Variants in RGS17 observed in about 807,000 individuals in gnomAD.
The protein encoded by RGS17 is regulator of G protein signaling 17, also known as regulator of G-protein signaling 17.
Under a neutral mutation model 25.5 loss-of-function variants are expected in RGS17, and 12 were observed. The ratio of observed to expected loss-of-function variants is 0.47; its 90% CI spans 0.30 to 0.76. RGS17 has a LOEUF of 0.76. Among genes scored for constraint, RGS17 ranks in the 30% least tolerant of loss-of-function variants. RGS17 has a pLI of 0.07. For synonymous variants in RGS17, 71 were observed against 76.9 expected (o/e 0.92, Z 0.40); for missense variants, 196 against 242.2 (o/e 0.81, Z 1.27).
Position 153,130,604 on chromosome 6 carries a change from AAG to A in RGS17, c.-26+518_-26+519del, listed in dbSNP as rs1777773610. On this transcript the variant is annotated intron_variant, in intron 1 of 4. Coordinates refer to ENST00000206262, the MANE Select transcript of RGS17 (RefSeq NM_012419.5). The surrounding 1 kb of genome is among the most constrained non-coding windows in gnomAD (Gnocchi z 6.4). The stretch of plus-strand genomic sequence containing the variant: ...TGAGCAGTGCATTTTCCCAAAGGTA[AAG>A]AGAGATAAGGGAGGAAACACAGCAC... Among the ~76,000 whole-genome samples the A allele has an allele frequency of 6.6e-6, 1 of 152,158 alleles. No individual in the cohort carries two copies. The highest frequency in any genetic ancestry group is 2.1e-4 in the South Asian group (1 of 4,828).
chr6:153,111,153 A>T (rs1236515630), intron 1 of RGS17, among the ~76,000 whole-genome samples: 1 of 152,066 alleles, frequency 6.6e-6, no homozygotes, highest in Non-Finnish European at 1.5e-5. Flanking sequence ...AGCTCAGCGG[A>T]TCCCACCCCC....
At chr6:153,077,959 T>C (rs546921339) in intron 1 of RGS17, among the ~76,000 whole-genome samples, 7 of 152,130 alleles carry the variant, frequency 4.6e-5, no homozygotes, top group Non-Finnish European at 1.0e-4. Flanking sequence ...ACGCAACCTC[T>C]GCCTCCCAGG....
rs1485719584 is a variant in RGS17, at chr6:153,007,421, A to G, written c.*4153T>C. The G allele has an allele frequency of 6.6e-6, 1 of 152,156 alleles. No individual in the cohort carries two copies. Among genetic ancestry groups the G allele is most frequent in the African/African-American group, 2.4e-5 (1 of 41,450 alleles). The allele number at this position is 152,156 out of a possible 1,614,324, so 9.4% of individuals were successfully genotyped here. ...GTTTGAAAAATATACTTAGAAAATT[A>G]TGGTTGTAAACTGTCAATGTAAACA... On this transcript the variant is annotated 3_prime_UTR_variant, in exon 5 of 5. Coordinates refer to ENST00000206262, the MANE Select transcript of RGS17 (RefSeq NM_012419.5).
chr6:153,081,877 T>A (rs1338719209), intron 1 of RGS17, among the ~76,000 whole-genome samples: 1 of 152,196 alleles, frequency 6.6e-6, no homozygotes, highest in African/African-American at 2.4e-5. Flanking sequence ...TACATGGTAT[T>A]ACTTACTTTG....
intron 1 of RGS17, among the ~76,000 whole-genome samples, chr6:153,060,539 C>G (rs1203156301): frequency 1.3e-5 from 2 of 152,056 alleles, no homozygotes; most frequent in East Asian, 3.9e-4. Flanking sequence ...TCTTTGAGGG[C>G]AGAGGCTGGG....
chr6:153,073,335 G>C (rs1776833587), intron 1 of RGS17, among the ~76,000 whole-genome samples: 1 of 152,188 alleles, frequency 6.6e-6, no homozygotes, highest in African/African-American at 2.4e-5. Context: ...CTCCACTTTA[G>C]AGAGTCTTAT....
intron 1 of RGS17, among the ~76,000 whole-genome samples, chr6:153,083,112 C>G (rs1777006476): frequency 6.6e-6 from 1 of 152,138 alleles, no homozygotes; most frequent in Non-Finnish European, 1.5e-5. Context: ...CGGAAAGACT[C>G]AAAAAGACCG....
chr6:153,088,871 T>C (rs7766454), intron 1 of RGS17, among the ~76,000 whole-genome samples: 1 of 152,192 alleles, frequency 6.6e-6, no homozygotes, highest in African/African-American at 2.4e-5. Context: ...TATTTTTAGC[T>C]AGATTCAGTA....
In RGS17 at chr6:153,127,971, AATGAT is replaced by A. The variant is rs1466017293; in HGVS notation, c.-26+3148_-26+3152del. On this transcript the variant is annotated intron_variant, in intron 1 of 4. Transcript: ENST00000206262. ...TGCCAGGTGCTGGCACAATAGCAGG[AATGAT>A]CGTCTAAATGAATTTCTTTGGAAGT... Among the ~76,000 whole-genome samples, 6 of 152,306 alleles carry A rather than the reference AATGAT, an allele frequency of 3.9e-5. No homozygotes were observed. In the East Asian group the frequency reaches 7.7e-4, roughly 20 times the overall value.
chr6:153,053,942 TA>T lies in RGS17; in HGVS notation c.-25-9900del, dbSNP rs1280823343. The stretch of plus-strand genomic sequence containing the variant: ...ATATATATGTATATATATGTATATA[TA>T]ATATATATACATATATATTATATAC... On this transcript the variant is annotated intron_variant, in intron 1 of 4. Transcript: ENST00000206262. Among the ~76,000 whole-genome samples, 2 of 47,628 alleles carry T rather than the reference TA, an allele frequency of 4.2e-5. 1 individual carries two copies. Among genetic ancestry groups the T allele is most frequent in the Non-Finnish European group, 6.7e-5 (2 of 29,800 alleles). 31.2% of individuals were successfully genotyped at this position (47,628 alleles called of 152,430 possible).
At chr6:153,071,003 G>T (rs528566417) in intron 1 of RGS17, among the ~76,000 whole-genome samples, 42 of 150,144 alleles carry the variant, frequency 2.8e-4, no homozygotes, top group African/African-American at 1.0e-3. Flanking sequence ...ATATGTACAT[G>T]TGTATATGCA....
At chr6:153,075,387 G>A (rs1396003159) in intron 1 of RGS17, among the ~76,000 whole-genome samples, 2 of 152,160 alleles carry the variant, frequency 1.3e-5, no homozygotes, top group Non-Finnish European at 2.9e-5. Context: ...CTATTCAACT[G>A]TTCCAAGAGA....
intron 1 of RGS17, among the ~76,000 whole-genome samples, chr6:153,063,823 G>A (rs1776670484): frequency 6.6e-6 from 1 of 152,142 alleles, no homozygotes; most frequent in Admixed American, 6.5e-5. Flanking sequence ...GGTCAAGGAT[G>A]AAGAAAGGAT....
chr6:153,091,401 A>G (rs1424365779), intron 1 of RGS17, among the ~76,000 whole-genome samples: 1 of 152,226 alleles, frequency 6.6e-6, no homozygotes, highest in Non-Finnish European at 1.5e-5. Flanking sequence ...TGTCTTCATT[A>G]ATGGCTGTTG....
At chr6:153,117,406 C>T (rs1777561244) in intron 1 of RGS17, among the ~76,000 whole-genome samples, 1 of 152,132 alleles carries the variant, frequency 6.6e-6, no homozygotes, top group Non-Finnish European at 1.5e-5. Context: ...AATTACAAAT[C>T]AAGATGAAAT....
At chr6:153,116,034 C>T (rs1312307921) in intron 1 of RGS17, among the ~76,000 whole-genome samples, 1 of 152,144 alleles carries the variant, frequency 6.6e-6, no homozygotes, top group Non-Finnish European at 1.5e-5. Context: ...ATGAGTAAAA[C>T]ACCAAAAGCA....
chr6:153,085,389 G>C, intron 1 of RGS17, among the ~76,000 whole-genome samples: 1 of 152,174 alleles, frequency 6.6e-6, no homozygotes. Flanking sequence ...GATAACACTG[G>C]AAATGAGCAG....
At chr6:153,027,752 A>G (rs1358371095) in intron 2 of RGS17, among the ~76,000 whole-genome samples, 1 of 152,180 alleles carries the variant, frequency 6.6e-6, no homozygotes, top group Non-Finnish European at 1.5e-5. Context: ...TACCCTGTTC[A>G]ACAACCCTGT....
At chr6:153,047,766 C>G (rs1562319690) in intron 1 of RGS17, among the ~76,000 whole-genome samples, 1 of 152,192 alleles carries the variant, frequency 6.6e-6, no homozygotes, top group Non-Finnish European at 1.5e-5. Context: ...GCCAACAAAA[C>G]TGTGAAAAAC....
Sources: allele counts gnomAD v4.1 joint callset (sites outside exome capture counted in the v4.1 genomes callset), GRCh38; gene constraint gnomAD v4.1.1; non-coding constraint Gnocchi (gnomAD v3.1); transcripts MANE v1.5; gene names NCBI Gene and HGNC (gene_info 2026-07-23, HGNC 2026-07-21).